The following NPC1 variants were observed in gnomAD, a reference collection of about 807,000 sequenced individuals.
NPC1 encodes Niemann-Pick C1 protein.
A neutral mutation model predicts 140.4 loss-of-function variants in NPC1; 85 were observed. That is an observed-to-expected ratio of 0.61 (90% confidence interval 0.51 to 0.72). NPC1 has a LOEUF of 0.72. NPC1 is among the 30% of genes least tolerant of loss of function. The pLI, the probability that NPC1 is intolerant of heterozygous loss-of-function variation, is 0.00. For missense variants in NPC1, 1,504 were observed against 1,623.8 expected (o/e 0.93, Z 1.27); for synonymous variants, 656 against 624.8 (o/e 1.05, Z -0.74).
downstream of NPC1, among the ~76,000 whole-genome samples, chr18:23,525,445 A>C (rs188910724): frequency 1.3e-5 from 2 of 151,886 alleles, no homozygotes; most frequent in Non-Finnish European, 2.9e-5. Flanking sequence ...AATTATTTTG[A>C]GACGGAATCT....
At chr18:23,518,896 G>T, downstream of NPC1, 1 of 1,614,016 alleles carries the variant, frequency 6.2e-7, no homozygotes, top group Non-Finnish European at 8.5e-7. Context: ...TTAGATACGG[G>T]CAGCTGTATG....
chr18:23,517,281 C>T (rs1286485337), intron 3 of NPC1, among the ~76,000 whole-genome samples: 1 of 151,884 alleles, frequency 6.6e-6, no homozygotes, highest in Non-Finnish European at 1.5e-5. Context: ...TCCCGAGTAG[C>T]TGGGACTACA....
chr18:23,579,840 G>A (rs780014716), intron 1 of NPC1, among the ~76,000 whole-genome samples: 2 of 150,884 alleles, frequency 1.3e-5, no homozygotes, highest in African/African-American at 2.4e-5. Context: ...AGCTGAGATC[G>A]CACCGCTGCA....
chr18:23,579,418 G>A (rs59084930), intron 1 of NPC1, among the ~76,000 whole-genome samples: 2,066 of 152,296 alleles, frequency 0.014, 33 homozygotes, highest in African/African-American at 0.048. Context: ...GAAATGAGAA[G>A]TGCTGATTGT....
intron 23 of NPC1, 86 bp downstream of exon 23, chr18:23,534,359 TA>T (rs1308486715): frequency 3.3e-6 from 3 of 914,506 alleles, no homozygotes; most frequent in Non-Finnish European, 5.3e-6. Flanking sequence ...AGCTGCTTTG[TA>T]AGTACAGGAT....
chr18:23,521,364 C>T (rs983155538), downstream of NPC1, among the ~76,000 whole-genome samples: 2 of 152,204 alleles, frequency 1.3e-5, no homozygotes, highest in African/African-American at 4.8e-5. Flanking sequence ...TTCTGTTTGC[C>T]TTAGCTCTGT....
intron 21 of NPC1, 57 bp from the exon 22 acceptor site, chr18:23,535,757 G>T: frequency 8.8e-7 from 1 of 1,140,848 alleles, no homozygotes; most frequent in African/African-American, 1.5e-5. Context: ...AACACTGCGT[G>T]TTCATCCTGT....
intron 1 of NPC1, among the ~76,000 whole-genome samples, chr18:23,584,865 G>A (rs1198248783): frequency 6.6e-6 from 1 of 152,014 alleles, no homozygotes; most frequent in Non-Finnish European, 1.5e-5. Flanking sequence ...CAAAAAAAAG[G>A]GAAGCCTATT....
chr18:23,530,561 T>C (rs2058462194), downstream of NPC1: 1 of 1,614,020 alleles, frequency 6.2e-7, no homozygotes, highest in South Asian at 1.1e-5. Context: ...AATATTCCGC[T>C]TTTTTGAACA....
downstream of NPC1, chr18:23,520,364 G>T (rs767753613): frequency 1.4e-6 from 2 of 1,412,132 alleles, no homozygotes; most frequent in South Asian, 2.4e-5. Context: ...CCATGTGGCT[G>T]TGTTCTCACC....
At chr18:23,551,837 A>G (rs1364889685) in intron 9 of NPC1, 110 bp from the exon 10 acceptor site, 3 of 804,636 alleles carry the variant, frequency 3.7e-6, no homozygotes, top group Non-Finnish European at 6.6e-6. Context: ...TCTAAGGACA[A>G]CATGGGCCCT....
chr18:23,556,765 C>G, intron 7 of NPC1, 152 bp from the exon 8 acceptor site: 4 of 1,220,240 alleles, frequency 3.3e-6, no homozygotes, highest in South Asian at 1.3e-5. Flanking sequence ...TACCTATCTG[C>G]TCAGCAAAGC....
intron 1 of NPC1, 41 bp from the exon 2 acceptor site, chr18:23,573,615 C>T: frequency 6.2e-7 from 1 of 1,613,672 alleles, no homozygotes; most frequent in South Asian, 1.1e-5. Context: ...ACCAGGGTCT[C>T]AATGGTAAAT....
At chr18:23,533,786 A>G in intron 23 of NPC1, 1 of 463,612 alleles carries the variant, frequency 2.2e-6, no homozygotes, top group Admixed American at 3.4e-5. Flanking sequence ...GGTTATAGGC[A>G]TGAGCCACCG....
intron 1 of NPC1, among the ~76,000 whole-genome samples, chr18:23,582,409 C>T (rs2059367365): frequency 6.6e-6 from 1 of 152,188 alleles, no homozygotes; most frequent in African/African-American, 2.4e-5. Context: ...CTGATCACTG[C>T]CATCACCTAG....
Position 23,532,007 on chromosome 18 carries a change from T to C in NPC1, c.*195A>G. ...AGAAGTTTAGTGTCCTGTGGTTGCC[T>C]CCAGATCTAGTAATACTGCTTCCCA... is the stretch of plus-strand genomic sequence containing the variant. On this transcript the variant is annotated 3_prime_UTR_variant, in exon 25 of 25. Transcript: ENST00000269228. The C allele has an allele frequency of 2.0e-6, 3 of 1,491,848 alleles. No individual in the cohort carries two copies. In the South Asian group the frequency reaches 4.0e-5, roughly 20 times the overall value. 92.4% of individuals were successfully genotyped at this position (1,491,848 alleles called of 1,614,324 possible).
chr18:23,515,105 C>T (rs1021456062), intron 3 of NPC1, among the ~76,000 whole-genome samples: 1 of 151,946 alleles, frequency 6.6e-6, no homozygotes, highest in African/African-American at 2.4e-5. Context: ...GGGAGGTGGC[C>T]GAGTTAACAC....
At chr18:23,524,990 A>G (rs1038176982), downstream of NPC1, among the ~76,000 whole-genome samples, 4 of 112,668 alleles carry the variant, frequency 3.6e-5, no homozygotes, top group African/African-American at 1.4e-4. Flanking sequence ...CTCGTTGCCC[A>G]GGCTGGAGTG....
Position 23,534,432 on chromosome 18 carries a change from C to T in NPC1, c.3591+14G>A, listed in dbSNP as rs1291086060. 14 of 1,589,958 alleles carry T rather than the reference C, an allele frequency of 8.8e-6. No individual in the cohort carries two copies. Among genetic ancestry groups the T allele is most frequent in the Non-Finnish European group, 1.1e-5 (13 of 1,159,886 alleles). On this transcript the variant is annotated intron_variant, in intron 23 of 24. Transcript: ENST00000269228. ...GTGCGACTCTGCCGGCGTGGCCCTG[C>T]TCAGGGTACTCACGGAGCTGCCCAT...
Sources: allele counts gnomAD v4.1 joint callset (sites outside exome capture counted in the v4.1 genomes callset), GRCh38; gene constraint gnomAD v4.1.1; transcripts MANE v1.5; gene names NCBI Gene and HGNC (gene_info 2026-07-23, HGNC 2026-07-21).